ITK: variants seen among roughly 807,000 people sequenced by gnomAD.
ITK encodes the protein tyrosine-protein kinase ITK/TSK.
In ITK, 45 loss-of-function variants were observed where a neutral mutation model predicts 87.6. The observed-to-expected ratio is 0.51, with a 90% CI of 0.40 to 0.66. ITK has a LOEUF of 0.66. Ranked by LOEUF, ITK falls within the 30% of genes least tolerant of loss-of-function variation. The probability of loss-of-function intolerance (pLI) is 0.00; values close to 1 mark genes in which losing one functional copy is unlikely to be tolerated. For synonymous variants in ITK, 303 were observed against 273.6 expected, an observed-to-expected ratio of 1.11 and a Z score of -1.06; for missense variants, 605 against 766.3, an observed-to-expected ratio of 0.79 and a Z score of 2.48.
At chr5:157,238,219 T>C (rs1486550383) in intron 9 of ITK, 28 bp downstream of exon 9, 28 of 1,542,382 alleles carry the variant, frequency 1.8e-5, no homozygotes, top group Non-Finnish European at 2.5e-5. Context: ...CTCAGCAAAG[T>C]GGAGAGAAAC....
chr5:157,188,562 G>A (rs1222663034), intron 1 of ITK, among the ~76,000 whole-genome samples: 3 of 152,172 alleles, frequency 2.0e-5, no homozygotes, highest in Admixed American at 2.0e-4. Flanking sequence ...CAGGATGCAG[G>A]ATCTTTGCAT....
chr5:157,248,825 G>A (rs369450095), intron 15 of ITK, 25 bp from the exon 16 acceptor site: 2 of 1,613,742 alleles, frequency 1.2e-6, no homozygotes, highest in Non-Finnish European at 1.7e-6. Context: ...GTCATTCACT[G>A]TGCTGTGCTC....
At position 157,205,085 on chromosome 5, in the gene ITK, C is replaced by T. The variant is rs539567192; in HGVS notation, c.139-3804C>T. 6.6e-5 allele frequency among the ~76,000 whole-genome samples: 10 copies of T among 152,298 alleles called. No homozygotes were observed. In the South Asian group the frequency reaches 2.1e-3, roughly 32 times the overall value. ...CACAAATCTCTTGCGATAGTTAAGGCTTCCTTAACTTCTTTAATTGGGAAG... is the reference window on the plus strand; with the variant it reads ...CACAAATCTCTTGCGATAGTTAAGGTTTCCTTAACTTCTTTAATTGGGAAG... On this transcript the variant is annotated intron_variant, in intron 1 of 16. Transcript: ENST00000422843.
At chr5:157,202,206 ATTTTC>A (rs71577321) in intron 1 of ITK, among the ~76,000 whole-genome samples, 4 of 151,680 alleles carry the variant, frequency 2.6e-5, no homozygotes, top group Admixed American at 2.0e-4. Context: ...TGTTTACCAC[ATTTTC>A]TTTTCTTTTC....
chr5:157,241,568 T>A, intron 10 of ITK, 78 bp from the exon 11 acceptor site: 1 of 965,600 alleles, frequency 1.0e-6, no homozygotes, highest in East Asian at 2.4e-5. Flanking sequence ...ATGATTATTA[T>A]TTTTTTTAGT....
At chr5:157,190,629 G>A (rs1753734991) in intron 1 of ITK, among the ~76,000 whole-genome samples, 1 of 152,222 alleles carries the variant, frequency 6.6e-6, no homozygotes, top group South Asian at 2.1e-4. Context: ...AGGTTCTATG[G>A]CAAGACCAGG....
chr5:157,232,251 G>A, intron 7 of ITK, 89 bp from the exon 8 acceptor site: 1 of 908,346 alleles, frequency 1.1e-6, no homozygotes, highest in South Asian at 1.4e-5. Flanking sequence ...AATAGAAAAT[G>A]ACCATATGAT....
At position 157,254,544 on chromosome 5, in the gene ITK, C is replaced by A. The variant is rs111629533; in HGVS notation, c.*1866C>A. The A allele has an allele frequency of 4.5e-6, 1 of 220,306 alleles. No homozygotes were observed. Among genetic ancestry groups the A allele is most frequent in the African/African-American group, 2.2e-5 (1 of 44,576 alleles). 13.6% of individuals were successfully genotyped at this position (220,306 alleles called of 1,614,324 possible). A position where few individuals can be genotyped will look rare whatever the true frequency, so the allele number is the denominator to read the frequency against. On this transcript the variant is annotated 3_prime_UTR_variant, in exon 17 of 17. Transcript: ENST00000422843. ...AATTGGCTCTTTCTAAATCATGTGA[C>A]GTTTTGACTGGCTTGAGATTCAGAT... is the stretch of plus-strand genomic sequence containing the variant.
chr5:157,224,909 G>A (rs555746169), intron 6 of ITK, among the ~76,000 whole-genome samples: 42 of 152,094 alleles, frequency 2.8e-4, no homozygotes, highest in African/African-American at 9.9e-4. Context: ...TTTCAAACAA[G>A]GCTTTAATGA....
intron 2 of ITK, among the ~76,000 whole-genome samples, chr5:157,209,390 C>A (rs569525144): frequency 2.2e-4 from 34 of 151,760 alleles, no homozygotes; most frequent in African/African-American, 8.2e-4. Flanking sequence ...TGACTCTCTG[C>A]CTCTCTGCTC....
At position 157,238,221 on chromosome 5, in the gene ITK, G is replaced by T. The variant is rs762473738; in HGVS notation, c.851+30G>T. Reference sequence around the variant, plus strand: ...GGAGCTAACTCTGCTCAGCAAAGTGGAGAGAAACACTTCTGAAGTGTGTGA... The same window carrying T: ...GGAGCTAACTCTGCTCAGCAAAGTGTAGAGAAACACTTCTGAAGTGTGTGA... On this transcript the variant is annotated intron_variant, in intron 9 of 16. Coordinates refer to ENST00000422843, the MANE Select transcript of ITK (RefSeq NM_005546.4). 6 of 1,509,222 alleles carry T rather than the reference G, an allele frequency of 4.0e-6. No individual in the cohort carries two copies. The East Asian group carries it at 1.3e-4, about 34-fold the overall frequency. 93.5% of individuals were successfully genotyped at this position (1,509,222 alleles called of 1,614,324 possible).
chr5:157,222,437 G>T (rs889922279), intron 5 of ITK, among the ~76,000 whole-genome samples: 1 of 152,156 alleles, frequency 6.6e-6, no homozygotes, highest in Non-Finnish European at 1.5e-5. Context: ...TGTATTAAGT[G>T]ATCTGTTAGA....
In ITK at chr5:157,227,219, G is replaced by C. The variant is rs1754549849; in HGVS notation, c.648-1077G>C. On this transcript the variant is annotated intron_variant, in intron 6 of 16. Transcript: ENST00000422843. ...AAGCCCTTCATTTGACGGGTATAAA[G>C]TCAGAGGTCCAGAGAGTAGAAGGGA... 2.0e-5 allele frequency among the ~76,000 whole-genome samples: 3 copies of C among 152,182 alleles called. No individual in the cohort carries two copies. The South Asian group carries it at 6.2e-4, about 32-fold the overall frequency.
chr5:157,222,306 A>G (rs62382967), intron 5 of ITK, among the ~76,000 whole-genome samples: 20,690 of 152,130 alleles, frequency 0.14, 1,586 homozygotes, highest in South Asian at 0.2. Flanking sequence ...AATAGAGCCT[A>G]CAGGAGAAGG....
intron 1 of ITK, among the ~76,000 whole-genome samples, chr5:157,187,425 T>C (rs1030998942): frequency 1.3e-5 from 2 of 152,172 alleles, no homozygotes; most frequent in African/African-American, 2.4e-5. Context: ...GGACATAAGG[T>C]ATAGATTCAG....
At chr5:157,185,385 C>A (rs187004940) in intron 1 of ITK, among the ~76,000 whole-genome samples, 1 of 151,862 alleles carries the variant, frequency 6.6e-6, no homozygotes, top group Middle Eastern at 3.4e-3. Context: ...ACTACGGGTG[C>A]GCGCCATCAT....
intron 1 of ITK, among the ~76,000 whole-genome samples, chr5:157,189,992 G>C (rs190213105): frequency 6.6e-6 from 1 of 152,290 alleles, no homozygotes; most frequent in Non-Finnish European, 1.5e-5. Context: ...CTCACTAAAA[G>C]TGATCCTAAG....
At chr5:157,214,561 G>T (rs571312837) in intron 4 of ITK, among the ~76,000 whole-genome samples, 1 of 152,022 alleles carries the variant, frequency 6.6e-6, no homozygotes, top group South Asian at 2.1e-4. Flanking sequence ...CATCTCCTAG[G>T]AGTTAGTTAG....
chr5:157,215,276 C>T (rs1754276483), intron 4 of ITK, among the ~76,000 whole-genome samples: 1 of 152,100 alleles, frequency 6.6e-6, no homozygotes, highest in Non-Finnish European at 1.5e-5. Context: ...CATAGTTTCC[C>T]TTTCTCATTT....
Sources: allele counts gnomAD v4.1 joint callset (sites outside exome capture counted in the v4.1 genomes callset), GRCh38; gene constraint gnomAD v4.1.1; transcripts MANE v1.5; gene names NCBI Gene and HGNC (gene_info 2026-07-23, HGNC 2026-07-21).